Variants in ODR4 observed in about 807,000 individuals in gnomAD.
ODR4 encodes protein odr-4 homolog.
ODR4 carries 47 observed loss-of-function variants against 60.2 expected under a neutral mutation model. That is an observed-to-expected ratio of 0.78 (90% CI 0.62 to 1.00). The LOEUF (loss-of-function observed/expected upper bound fraction) is 1.00, where lower values mean the gene tolerates loss of function less well. Among genes scored for constraint, ODR4 ranks in the 50% least tolerant of loss-of-function variants. The probability of loss-of-function intolerance (pLI) is 0.00; values close to 1 mark genes in which losing one functional copy is unlikely to be tolerated. For synonymous variants in ODR4, 178 were observed against 175.5 expected (o/e 1.01, Z -0.11); for missense variants, 488 against 530.8 (o/e 0.92, Z 0.79).
chr1:186,390,467 T>A (rs1660421008), intron 6 of ODR4, among the ~76,000 whole-genome samples: 1 of 152,198 alleles, frequency 6.6e-6, no homozygotes, highest in Non-Finnish European at 1.5e-5. Context: ...AAATTTCTGA[T>A]TCTTTTTCTG....
intron 2 of ODR4, 86 bp from the exon 3 acceptor site, chr1:186,382,936 A>C (rs2102018177): frequency 7.3e-7 from 1 of 1,377,070 alleles, no homozygotes; most frequent in East Asian, 2.5e-5. Context: ...TTTGCATGTC[A>C]TAAAAGCTAA....
chr1:186,399,742 G>A (rs1660848006), intron 11 of ODR4, among the ~76,000 whole-genome samples: 1 of 151,766 alleles, frequency 6.6e-6, no homozygotes, highest in Non-Finnish European at 1.5e-5. Flanking sequence ...TCCTTTAGTA[G>A]GTACTATTTA....
chr1:186,391,479 G>T (rs796529717), intron 7 of ODR4, among the ~76,000 whole-genome samples: 13 of 150,756 alleles, frequency 8.6e-5, no homozygotes, highest in African/African-American at 3.2e-4. Flanking sequence ...ATGTTATTCT[G>T]GGATAAAGAT....
chr1:186,389,797 T>A (rs376583820), intron 6 of ODR4, among the ~76,000 whole-genome samples, 173 bp downstream of exon 6: 2 of 152,170 alleles, frequency 1.3e-5, no homozygotes, highest in African/African-American at 4.8e-5. Flanking sequence ...AAGGAAAACT[T>A]TTTTGTGCGT....
chr1:186,384,148 G>T (rs1008102913), intron 3 of ODR4, among the ~76,000 whole-genome samples: 6 of 152,188 alleles, frequency 3.9e-5, no homozygotes, highest in African/African-American at 1.2e-4. Flanking sequence ...AAAAAGGCCT[G>T]TTTGGCTCAT....
chr1:186,398,612 A>G (rs2102054531), intron 10 of ODR4, among the ~76,000 whole-genome samples, 171 bp downstream of exon 10: 1 of 152,316 alleles, frequency 6.6e-6, no homozygotes, highest in South Asian at 2.1e-4. Context: ...TTTCATATGT[A>G]GAGTATCTAT....
chr1:186,435,031 AT>A, the ODR4 span: 1 of 152,126 alleles, frequency 6.6e-6, no homozygotes, highest in Non-Finnish European at 1.5e-5. Flanking sequence ...TGAAAAACTA[AT>A]TTTTAGGAGC....
intron 12 of ODR4, among the ~76,000 whole-genome samples, chr1:186,411,450 GT>G (rs1390368758): frequency 3.6e-4 from 55 of 152,044 alleles, no homozygotes; most frequent in African/African-American, 1.3e-3. Context: ...ATAAATAAAA[GT>G]TTTAATTTTA....
intron 1 of ODR4, among the ~76,000 whole-genome samples, chr1:186,379,144 T>C (rs764928729): frequency 1.3e-5 from 2 of 152,036 alleles, no homozygotes; most frequent in African/African-American, 2.4e-5. Context: ...AGATCTAAAA[T>C]AAGAAATCTG....
At chr1:186,413,031 A>G (rs1661431507) in intron 12 of ODR4, among the ~76,000 whole-genome samples, 1 of 152,132 alleles carries the variant, frequency 6.6e-6, no homozygotes, top group Non-Finnish European at 1.5e-5. Context: ...AAATTCAAAA[A>G]TTGGAATCAA....
At chr1:186,386,766 G>A (rs1660267353) in intron 4 of ODR4, among the ~76,000 whole-genome samples, 1 of 152,068 alleles carries the variant, frequency 6.6e-6, no homozygotes, top group South Asian at 2.1e-4. Flanking sequence ...AAATTAATAG[G>A]TGCTGAAATT....
chr1:186,408,064 C>T (rs1378541188), intron 12 of ODR4, among the ~76,000 whole-genome samples: 1 of 152,098 alleles, frequency 6.6e-6, no homozygotes, highest in Non-Finnish European at 1.5e-5. Context: ...CTGCCAGGCA[C>T]AGTTTTAAGA....
rs1660333048 is a variant in ODR4, at chr1:186,388,433, C to G, written c.331-9C>G. ...ACATTCAATTAGTGTGTATTTTTCT[C>G]TCTTTCAGCTAATGTTTGCTGTGGA... On this transcript the variant is annotated splice_polypyrimidine_tract_variant and intron_variant, in intron 4 of 13. Coordinates refer to ENST00000287859, the MANE Select transcript of ODR4 (RefSeq NM_017847.6). 1.8e-5 allele frequency: 27 copies of G among 1,462,158 alleles called. No homozygotes were observed. The highest frequency in any genetic ancestry group is 2.2e-5 in the Non-Finnish European group (24 of 1,088,672). 90.6% of individuals were successfully genotyped at this position (1,462,158 alleles called of 1,614,324 possible). A position where few individuals can be genotyped will look rare whatever the true frequency, so the allele number is the denominator to read the frequency against.
At chr1:186,428,030 C>T in the ODR4 span, among the ~76,000 whole-genome samples, 1 of 152,176 alleles carries the variant, frequency 6.6e-6, no homozygotes, top group Non-Finnish European at 1.5e-5. Flanking sequence ...AATCCTTAAG[C>T]GCCCTAGGAT....
rs377103269 is a variant in ODR4 at position 186,398,360 on chromosome 1, C to T, written c.828C>T (p.Ser276=). The stretch of plus-strand genomic sequence containing the variant: ...CCACAGCCACAGTCCAGATATGTAG[C>T]GGTTCTGTAAACCTTAAGGGTGCTG... ...HRSTATVQIC[S]GSVNLKGAVK... The change falls in exon 10 of 14, where the codon AGC becomes AGT. Residue 276 remains serine (S), a synonymous_variant. Transcript: ENST00000287859. 4.4e-5 allele frequency: 71 copies of T among 1,610,416 alleles called. No homozygotes were observed. The Middle Eastern group carries it at 8.2e-4, about 19-fold the overall frequency.
chr1:186,398,885 G>T, intron 10 of ODR4, 69 bp from the exon 11 acceptor site: 1 of 1,116,636 alleles, frequency 9.0e-7, no homozygotes, highest in Non-Finnish European at 1.3e-6. Flanking sequence ...TATTTTTTTT[G>T]TTAGTTAAAT....
chr1:186,381,503 A>G (rs929428648), intron 2 of ODR4, among the ~76,000 whole-genome samples: 14 of 151,572 alleles, frequency 9.2e-5, no homozygotes, highest in Non-Finnish European at 1.8e-4. Context: ...AATTTTTTGT[A>G]TTTTTAGTAG....
chr1:186,380,393 G>A (rs1368927093), intron 2 of ODR4, among the ~76,000 whole-genome samples: 1 of 151,994 alleles, frequency 6.6e-6, no homozygotes, highest in Non-Finnish European at 1.5e-5. Context: ...CAATAGGGAG[G>A]GAGAGGGATT....
chr1:186,390,907 A>G, intron 7 of ODR4, 56 bp downstream of exon 7: 1 of 1,499,276 alleles, frequency 6.7e-7, no homozygotes. Context: ...ATCTGCTTTT[A>G]TTCTGCTTAC....
Sources: allele counts gnomAD v4.1 joint callset (sites outside exome capture counted in the v4.1 genomes callset), GRCh38; gene constraint gnomAD v4.1.1; transcripts MANE v1.5; gene names NCBI Gene and HGNC (gene_info 2026-07-23, HGNC 2026-07-21).